Variants in MOSMO observed in about 807,000 individuals in gnomAD.
The protein encoded by MOSMO is modulator of smoothened protein.
A neutral mutation model predicts 18.4 loss-of-function variants in MOSMO; 5 were observed. The ratio of observed to expected loss-of-function variants is 0.27; its 90% CI spans 0.14 to 0.57. The LOEUF (loss-of-function observed/expected upper bound fraction) is 0.57. MOSMO is among the 20% of genes least tolerant of loss of function. The pLI is 0.92. For missense variants in MOSMO, 138 were observed against 211.8 expected (o/e 0.65, Z 2.16); for synonymous variants, 82 against 82.3 (o/e 1.00, Z 0.02).
At chr16:22,029,378 C>G (rs548235045) in intron 1 of MOSMO, among the ~76,000 whole-genome samples, 1 of 152,226 alleles carries the variant, frequency 6.6e-6, no homozygotes, top group African/African-American at 2.4e-5. Flanking sequence ...GGAAGAAATC[C>G]AGCATACCTT....
chr16:22,043,787 T>C (rs1900254638), intron 1 of MOSMO, among the ~76,000 whole-genome samples: 1 of 152,212 alleles, frequency 6.6e-6, no homozygotes, highest in South Asian at 2.1e-4. Flanking sequence ...TTGCCTTAAA[T>C]ATATGATCAG....
chr16:22,068,636 T>C (rs1000294531), intron 1 of MOSMO, among the ~76,000 whole-genome samples: 4 of 152,218 alleles, frequency 2.6e-5, no homozygotes, highest in African/African-American at 9.6e-5. Flanking sequence ...TATGTGGTCT[T>C]TTGTGTCTGG....
intron 1 of MOSMO, among the ~76,000 whole-genome samples, chr16:22,045,831 A>G (rs1900296001): frequency 6.6e-6 from 1 of 152,134 alleles, no homozygotes; most frequent in Admixed American, 6.5e-5. Flanking sequence ...CCTTGTCAAG[A>G]AAAATTTGAG....
In MOSMO at chr16:22,080,836, A is replaced by G; in HGVS notation, c.460A>G (p.Ile154Val). Residue 154 changes from isoleucine (I) to valine (V), a missense_variant, in exon 3 of 3, where the codon ATA (isoleucine) becomes GTA (valine). Physicochemically the swap from Ile to Val is conservative, Grantham distance 29. Transcript: ENST00000542527. ...TTTTGTCTTATCAATTTTCTTTACA[A>G]TAGTAGGACTTCTATTTGCTGGCAA... Reference protein sequence around the residue: ...VLFVLSIFFTIVGLLFAGKVC... With the variant: ...VLFVLSIFFTVVGLLFAGKVC... 6.9e-7 allele frequency: 1 copy of G among 1,450,290 alleles called. No individual in the cohort carries two copies. The allele number at this position is 1,450,290 out of a possible 1,614,324, so 89.8% of individuals were successfully genotyped here.
intron 1 of MOSMO, among the ~76,000 whole-genome samples, chr16:22,015,221 A>G (rs1597994467): frequency 6.6e-6 from 1 of 152,164 alleles, no homozygotes; most frequent in Non-Finnish European, 1.5e-5. Context: ...TAAACTTAGC[A>G]TAATGTTCTC....
In MOSMO at chr16:22,060,085, T is replaced by C. The variant is rs142393691; in HGVS notation, c.107-15402T>C. On this transcript the variant is annotated intron_variant, in intron 1 of 2. Coordinates refer to ENST00000542527, the MANE Select transcript of MOSMO (RefSeq NM_001164579.2). ...CCAGCTACTCAGGAGGCTGAGACAG[T>C]AGGATCGCTTGATCCCAGGAGGCTG... 3.6e-3 allele frequency among the ~76,000 whole-genome samples: 555 copies of C among 152,226 alleles called. 3 individuals are homozygous for C. Among genetic ancestry groups the C allele is most frequent in the Middle Eastern group, 6.8e-3 (2 of 294 alleles).
intron 1 of MOSMO, among the ~76,000 whole-genome samples, chr16:22,037,775 A>C (rs1900136076): frequency 6.6e-6 from 1 of 152,210 alleles, no homozygotes; most frequent in African/African-American, 2.4e-5. Flanking sequence ...GAATAGGGCA[A>C]GGCATGTGGG....
At chr16:22,061,067 G>A (rs1299555497) in intron 1 of MOSMO, among the ~76,000 whole-genome samples, 1 of 152,122 alleles carries the variant, frequency 6.6e-6, no homozygotes, top group East Asian at 1.9e-4. Flanking sequence ...GATTGCATAT[G>A]ATTTCATTTA....
intron 1 of MOSMO, among the ~76,000 whole-genome samples, chr16:22,074,174 G>C (rs1048141633): frequency 6.6e-6 from 1 of 152,170 alleles, no homozygotes; most frequent in Admixed American, 6.5e-5. Context: ...TTCCCAAAAT[G>C]CCACTAGGAA....
At position 22,075,394 on chromosome 16, in the gene MOSMO, A is replaced by C. The variant is rs970020876; in HGVS notation, c.107-93A>C. Reference sequence around the variant, plus strand: ...TGCTTGAATGACCCACGAAGAGATAAATGAGATTTAAGAACTAAAGGGGTG... The same window carrying C: ...TGCTTGAATGACCCACGAAGAGATACATGAGATTTAAGAACTAAAGGGGTG... On this transcript the variant is annotated intron_variant, in intron 1 of 2. Transcript: ENST00000542527. 4 of 952,070 alleles carry C rather than the reference A, an allele frequency of 4.2e-6. No homozygotes were observed. The African/African-American group carries it at 6.5e-5, about 15-fold the overall frequency. The allele number at this position is 952,070 out of a possible 1,614,324, so 59.0% of individuals were successfully genotyped here. A position where few individuals can be genotyped will look rare whatever the true frequency, so the allele number is the denominator to read the frequency against.
chr16:22,019,979 C>T (rs1200608008), intron 1 of MOSMO, among the ~76,000 whole-genome samples: 4 of 151,580 alleles, frequency 2.6e-5, no homozygotes, highest in Non-Finnish European at 4.4e-5. Context: ...TTTGGGAGGC[C>T]GAGGCGGGCA....
intron 1 of MOSMO, among the ~76,000 whole-genome samples, chr16:22,070,168 G>T (rs1455049578): frequency 2.0e-5 from 3 of 152,176 alleles, no homozygotes; most frequent in Admixed American, 6.5e-5. Context: ...AAAGGAGAGT[G>T]CAGGAGTCTT....
chr16:22,019,952 G>A (rs975891319), intron 1 of MOSMO, among the ~76,000 whole-genome samples: 3 of 152,012 alleles, frequency 2.0e-5, no homozygotes, highest in Non-Finnish European at 4.4e-5. Context: ...GGTGGCTCAC[G>A]CCTGTAATCT....
At chr16:22,017,532 T>A (rs933684938) in intron 1 of MOSMO, among the ~76,000 whole-genome samples, 3 of 152,128 alleles carry the variant, frequency 2.0e-5, no homozygotes, top group Non-Finnish European at 4.4e-5. Flanking sequence ...CTGATCCGAT[T>A]GATAACAACA....
chr16:22,073,068 G>A (rs187089696), intron 1 of MOSMO, among the ~76,000 whole-genome samples: 3 of 152,208 alleles, frequency 2.0e-5, no homozygotes, highest in Non-Finnish European at 4.4e-5. Flanking sequence ...AGACAGAGGA[G>A]GAGGAAAGCA....
At chr16:22,020,755 T>G (rs1159225603) in intron 1 of MOSMO, among the ~76,000 whole-genome samples, 1 of 152,232 alleles carries the variant, frequency 6.6e-6, no homozygotes, top group Non-Finnish European at 1.5e-5. Flanking sequence ...TACAGTTGCT[T>G]TACTATTTGC....
chr16:22,019,254 G>T (rs1265143115), intron 1 of MOSMO, among the ~76,000 whole-genome samples: 1 of 152,004 alleles, frequency 6.6e-6, no homozygotes, highest in South Asian at 2.1e-4. Context: ...TTTTTTCCCC[G>T]CATGAATGTA....
chr16:22,062,611 T>C (rs1244433139), intron 1 of MOSMO, among the ~76,000 whole-genome samples: 1 of 152,056 alleles, frequency 6.6e-6, no homozygotes, highest in Non-Finnish European at 1.5e-5. Context: ...AGCTGAGCCA[T>C]AGCACCTGGC....
chr16:22,010,380 CTGTTGA>C (rs1316899047), intron 1 of MOSMO, among the ~76,000 whole-genome samples: 1 of 152,142 alleles, frequency 6.6e-6, no homozygotes, highest in Non-Finnish European at 1.5e-5. Context: ...AGTTCGTGAC[CTGTTGA>C]TGTTTTTATC....
Sources: gnomAD v4.1 joint callset for allele counts (sites outside exome capture counted in the v4.1 genomes callset) on GRCh38, gnomAD v4.1.1 for gene constraint, MANE v1.5 for transcripts, NCBI Gene and HGNC (gene_info 2026-07-23, HGNC 2026-07-21) for gene names.